The following GSE1 variants were observed in gnomAD, a reference collection of about 807,000 sequenced individuals.
The protein encoded by GSE1 is genetic suppressor element 1.
Under a neutral mutation model 112.6 loss-of-function variants are expected in GSE1, and 32 were observed. The observed-to-expected ratio is 0.28, with a 90% CI of 0.21 to 0.38. The LOEUF (loss-of-function observed/expected upper bound fraction) is 0.38, where lower values mean the gene tolerates loss of function less well. Among genes scored for constraint, GSE1 ranks in the 10% least tolerant of loss-of-function variants. The pLI, the probability that GSE1 is intolerant of heterozygous loss-of-function variation, is 1.00. For missense variants in GSE1, 2,348 were observed against 1,699.2 expected (o/e 1.38, Z -6.71); for synonymous variants, 1,115 against 735.6 (o/e 1.52, Z -8.35).
At chr16:85,177,502 C>A (rs572386336) in intron 1 of GSE1, among the ~76,000 whole-genome samples, 1 of 152,292 alleles carries the variant, frequency 6.6e-6, no homozygotes, top group South Asian at 2.1e-4. Flanking sequence ...TGGAAGGAGC[C>A]CCTCCTCACT....
At chr16:85,360,238 G>A (rs968883027) in intron 2 of GSE1, among the ~76,000 whole-genome samples, 2 of 152,100 alleles carry the variant, frequency 1.3e-5, no homozygotes, top group South Asian at 2.1e-4. Flanking sequence ...GCGTACTAGC[G>A]GGGTACGTTG....
At position 85,511,460 on chromosome 16, in the gene GSE1, G is replaced by A. The variant is rs932007959; in HGVS notation, c.2465-122454G>A. 2.0e-5 allele frequency among the ~76,000 whole-genome samples: 3 copies of A among 151,860 alleles called. No individual in the cohort carries two copies. In the East Asian group the frequency reaches 5.8e-4, roughly 29 times the overall value. On this transcript the variant is annotated intron_variant, in intron 2 of 2. Coordinates refer to the GSE1 transcript ENST00000637419. Reference sequence around the variant, plus strand: ...GGAGAATCGCTTGAACCCAGGAGGCGGAGGTTGCAGTGAGTCGAGATTGTG... The same window carrying A: ...GGAGAATCGCTTGAACCCAGGAGGCAGAGGTTGCAGTGAGTCGAGATTGTG...
Position 85,252,271 on chromosome 16 carries a change from C to T in GSE1, c.2283+80464C>T, listed in dbSNP as rs7191494. Among the ~76,000 whole-genome samples, 950 of 127,788 alleles carry T rather than the reference C, an allele frequency of 7.4e-3. 2 individuals are homozygous for T. Among genetic ancestry groups the T allele is most frequent in the African/African-American group, 0.014 (298 of 20,998 alleles). 83.8% of individuals were successfully genotyped at this position (127,788 alleles called of 152,430 possible). On this transcript the variant is annotated intron_variant, in intron 1 of 2. Coordinates refer to the GSE1 transcript ENST00000637419. ...CTGTCACTATCTCCATGCGATCACC[C>T]GGCCTGGCTCTTGAGGGAATCTGGT... is the stretch of plus-strand genomic sequence containing the variant.
chr16:85,203,365 G>A (rs147587699), intron 1 of GSE1, among the ~76,000 whole-genome samples: 210 of 152,336 alleles, frequency 1.4e-3, no homozygotes, highest in Middle Eastern at 3.4e-3. Context: ...GCAGGTGCGG[G>A]ATGCTAAGGT....
chr16:85,240,653 G>A (rs1449108399), intron 1 of GSE1, among the ~76,000 whole-genome samples: 1 of 152,236 alleles, frequency 6.6e-6, no homozygotes, highest in Non-Finnish European at 1.5e-5. Context: ...GTCATGAAGA[G>A]CTGGAGCCTG....
intron 1 of GSE1, among the ~76,000 whole-genome samples, chr16:85,175,760 C>T (rs897387693): frequency 4.6e-5 from 7 of 152,116 alleles, no homozygotes; most frequent in African/African-American, 1.7e-4. Flanking sequence ...TGCTTCCCAC[C>T]CTCCAGGAGG....
intron 2 of GSE1, among the ~76,000 whole-genome samples, chr16:85,526,620 G>T (rs965403921): frequency 6.6e-6 from 1 of 152,236 alleles, no homozygotes; most frequent in Non-Finnish European, 1.5e-5. Context: ...GTGGAGAGCA[G>T]GGATGGGGAG....
chr16:85,636,847 G>A (rs1053201336), intron 2 of GSE1, among the ~76,000 whole-genome samples: 2 of 152,194 alleles, frequency 1.3e-5, no homozygotes, highest in Admixed American at 6.5e-5. Flanking sequence ...CTGTCAGCAC[G>A]CTGACCCTGC....
At chr16:85,202,724 G>T (rs1477184848) in intron 1 of GSE1, among the ~76,000 whole-genome samples, 1 of 152,236 alleles carries the variant, frequency 6.6e-6, no homozygotes, top group Non-Finnish European at 1.5e-5. Flanking sequence ...CCGGAGCCAG[G>T]CCGATCGCAC....
intron 1 of GSE1, among the ~76,000 whole-genome samples, chr16:85,181,180 C>A (rs1002338089): frequency 3.9e-5 from 6 of 152,212 alleles, no homozygotes; most frequent in African/African-American, 1.4e-4. Context: ...ACGCTGACAC[C>A]GGCTAACTTG....
chr16:85,199,193 A>G (rs926044167), intron 1 of GSE1, among the ~76,000 whole-genome samples: 81 of 152,148 alleles, frequency 5.3e-4, no homozygotes, highest in Admixed American at 1.1e-3. Context: ...CTGACCTCAG[A>G]TGATCCGCCC....
At chr16:85,639,946 G>A (rs1266148671) in intron 2 of GSE1, among the ~76,000 whole-genome samples, 2 of 152,140 alleles carry the variant, frequency 1.3e-5, no homozygotes, top group African/African-American at 4.8e-5. Context: ...GCAGCACCTG[G>A]GACCAGGCAC....
At chr16:85,663,220 C>T (rs2052575584) in intron 10 of GSE1, 124 bp from the exon 11 acceptor site, 2 of 1,317,566 alleles carry the variant, frequency 1.5e-6, no homozygotes, top group African/African-American at 1.4e-5. Context: ...CCATGAAGCT[C>T]TTCTCCCACC....
chr16:85,173,457 G>A (rs1016619560), intron 1 of GSE1, among the ~76,000 whole-genome samples: 1 of 152,196 alleles, frequency 6.6e-6, no homozygotes, highest in Non-Finnish European at 1.5e-5. Context: ...CCCCCAGAGG[G>A]TCAGATGCTT....
chr16:85,348,296 T>TCCATCCATC (rs926676142), intron 1 of GSE1, among the ~76,000 whole-genome samples: 8 of 151,138 alleles, frequency 5.3e-5, no homozygotes, highest in Non-Finnish European at 1.0e-4. Flanking sequence ...CATCCACTGT[T>TCCATCCATC]CATCCATCCA....
chr16:85,625,865 C>T (rs1223425734), intron 1 of GSE1, among the ~76,000 whole-genome samples: 1 of 152,116 alleles, frequency 6.6e-6, no homozygotes, highest in African/African-American at 2.4e-5. Flanking sequence ...TGCCGTGGCT[C>T]AGTGAGCGTG....
intron 1 of GSE1, among the ~76,000 whole-genome samples, chr16:85,353,711 A>T (rs1449616414): frequency 1.3e-5 from 2 of 152,242 alleles, no homozygotes; most frequent in African/African-American, 4.8e-5. Flanking sequence ...TTCTTCTTGG[A>T]AAATCAGAAG....
intron 2 of GSE1, among the ~76,000 whole-genome samples, chr16:85,517,389 A>C (rs1007170470): frequency 6.6e-6 from 1 of 152,206 alleles, no homozygotes; most frequent in South Asian, 2.1e-4. Context: ...GCCAGTGACC[A>C]AGTGAGTTCT....
At chr16:85,654,085 C>T (rs2051685414) in intron 3 of GSE1, among the ~76,000 whole-genome samples, 193 bp from the exon 4 acceptor site, 1 of 152,160 alleles carries the variant, frequency 6.6e-6, no homozygotes, top group Non-Finnish European at 1.5e-5. Flanking sequence ...CTGTCGCAGC[C>T]ACATCCCCTT....
Sources: allele counts gnomAD v4.1 joint callset (sites outside exome capture counted in the v4.1 genomes callset), GRCh38; gene constraint gnomAD v4.1.1; transcripts MANE v1.5; gene names NCBI Gene and HGNC (gene_info 2026-07-23, HGNC 2026-07-21).